The following PLCB4 variants were observed in gnomAD, a reference collection of about 807,000 sequenced individuals.
PLCB4 encodes phospholipase C beta 4, also known as 1-phosphatidylinositol 4,5-bisphosphate phosphodiesterase beta-4.
A neutral mutation model predicts 178.8 loss-of-function variants in PLCB4; 77 were observed. The observed-to-expected ratio is 0.43, with a 90% CI of 0.36 to 0.52. PLCB4 has a LOEUF of 0.52. Among genes scored for constraint, PLCB4 ranks in the 20% least tolerant of loss-of-function variants. The pLI is 0.00. For missense variants in PLCB4, 1,024 were observed against 1,453.4 expected, an observed-to-expected ratio of 0.70 and a Z score of 4.80; for synonymous variants, 496 against 490.8, an observed-to-expected ratio of 1.01 and a Z score of -0.14.
chr20:9,121,649 G>A (rs2091965455), intron 2 of PLCB4, among the ~76,000 whole-genome samples: 1 of 152,162 alleles, frequency 6.6e-6, no homozygotes, highest in Admixed American at 6.5e-5. Flanking sequence ...TCCTGTGAAA[G>A]GGAAAGACAA....
At chr20:9,213,662 T>A (rs2093698200) in intron 2 of PLCB4, among the ~76,000 whole-genome samples, 1 of 152,226 alleles carries the variant, frequency 6.6e-6, no homozygotes, top group South Asian at 2.1e-4. Context: ...TTTTCATTTT[T>A]TCTTGGGTTC....
chr20:9,350,114 A>G (rs2034194300), intron 7 of PLCB4, among the ~76,000 whole-genome samples: 1 of 152,114 alleles, frequency 6.6e-6, no homozygotes, highest in African/African-American at 2.4e-5. Context: ...TGAACTAAGA[A>G]TGGCTTTTAC....
At chr20:9,112,078 C>G (rs1025381247) in intron 2 of PLCB4, among the ~76,000 whole-genome samples, 1 of 152,054 alleles carries the variant, frequency 6.6e-6, no homozygotes, top group African/African-American at 2.4e-5. Context: ...TTTACCTGTG[C>G]TTTACTTTCA....
At chr20:9,153,016 C>T (rs911997282) in intron 2 of PLCB4, among the ~76,000 whole-genome samples, 1 of 152,154 alleles carries the variant, frequency 6.6e-6, no homozygotes, top group African/African-American at 2.4e-5. Context: ...TTGTATCGGC[C>T]CTGTAACCCC....
At chr20:9,336,249 ATGTTCATT>A (rs1009332123) in intron 4 of PLCB4, among the ~76,000 whole-genome samples, 17 of 152,268 alleles carry the variant, frequency 1.1e-4, no homozygotes, top group Non-Finnish European at 2.1e-4. Flanking sequence ...CAGGACATCT[ATGTTCATT>A]TCCCAAATGC....
At chr20:9,296,610 A>C (rs1437091011) in intron 3 of PLCB4, among the ~76,000 whole-genome samples, 1 of 152,264 alleles carries the variant, frequency 6.6e-6, no homozygotes, top group South Asian at 2.1e-4. Context: ...AACCAACCCA[A>C]ATGTCCAACA....
chr20:9,444,579 A>G (rs1568850736), intron 32 of PLCB4, among the ~76,000 whole-genome samples: 1 of 152,166 alleles, frequency 6.6e-6, no homozygotes, highest in Non-Finnish European at 1.5e-5. Context: ...CCTGACCAAC[A>G]TGGTAAAACC....
chr20:9,081,850 A>G (rs1340167508), intron 1 of PLCB4, among the ~76,000 whole-genome samples: 1 of 150,714 alleles, frequency 6.6e-6, no homozygotes, highest in Non-Finnish European at 1.5e-5. Flanking sequence ...ATGATTATTT[A>G]CACTGGTCAT....
chr20:9,473,937 G>T (rs757120592), intron 38 of PLCB4, among the ~76,000 whole-genome samples: 4 of 152,138 alleles, frequency 2.6e-5, no homozygotes, highest in Non-Finnish European at 4.4e-5. Context: ...AGTTATCCAG[G>T]CCGGGCGCAG....
intron 32 of PLCB4, among the ~76,000 whole-genome samples, chr20:9,444,593 C>G (rs988237926): frequency 7.2e-5 from 11 of 152,070 alleles, no homozygotes; most frequent in Non-Finnish European, 1.3e-4. Flanking sequence ...TAAAACCTGT[C>G]TCTACTAAAA....
intron 18 of PLCB4, 61 bp from the exon 19 acceptor site, chr20:9,395,462 G>T (rs2038499530): frequency 9.0e-7 from 1 of 1,115,012 alleles, no homozygotes. Context: ...CGATCTCAAG[G>T]CCTAGGGTTT....
chr20:9,293,704 C>G (rs770507882), intron 3 of PLCB4, among the ~76,000 whole-genome samples: 6 of 152,102 alleles, frequency 3.9e-5, no homozygotes, highest in Non-Finnish European at 7.4e-5. Context: ...CCCCAGCCTT[C>G]ACAGAGGTCA....
intron 2 of PLCB4, among the ~76,000 whole-genome samples, chr20:9,139,969 C>G (rs752156640): frequency 6.6e-6 from 1 of 152,112 alleles, no homozygotes; most frequent in Non-Finnish European, 1.5e-5. Flanking sequence ...AGAGAATGCT[C>G]TGTGCCTGGC....
chr20:9,102,271 T>C (rs373048004), intron 2 of PLCB4, among the ~76,000 whole-genome samples: 1 of 152,332 alleles, frequency 6.6e-6, no homozygotes, highest in South Asian at 2.1e-4. Flanking sequence ...ATGGTCTTAT[T>C]AGAAAACATT....
intron 2 of PLCB4, among the ~76,000 whole-genome samples, chr20:9,186,844 T>C (rs1444564134): frequency 4.6e-5 from 7 of 152,178 alleles, no homozygotes; most frequent in African/African-American, 1.7e-4. Context: ...AAACCCCCAA[T>C]GAAACCATCA....
chr20:9,262,125 G>A (rs2094303678), intron 3 of PLCB4, among the ~76,000 whole-genome samples: 2 of 152,166 alleles, frequency 1.3e-5, no homozygotes, highest in African/African-American at 2.4e-5. Context: ...TTGAATGAAT[G>A]GGATAGGCTG....
intron 35 of PLCB4, among the ~76,000 whole-genome samples, chr20:9,467,647 C>A (rs549746363): frequency 2.0e-5 from 3 of 152,282 alleles, no homozygotes; most frequent in South Asian, 2.1e-4. Flanking sequence ...AATTTCCTAA[C>A]AAGTTATGGT....
intron 2 of PLCB4, among the ~76,000 whole-genome samples, chr20:9,118,150 C>T (rs927525008): frequency 1.3e-4 from 20 of 151,316 alleles, no homozygotes; most frequent in East Asian, 1.2e-3. Flanking sequence ...ATACATGTGC[C>T]GTGCTGGTGC....
intron 2 of PLCB4, among the ~76,000 whole-genome samples, chr20:9,125,530 A>T (rs2092090363): frequency 6.6e-6 from 1 of 152,174 alleles, no homozygotes; most frequent in African/African-American, 2.4e-5. Flanking sequence ...ACTCGTAATG[A>T]GGGATATTCC....
Sources: allele counts gnomAD v4.1 joint callset (sites outside exome capture counted in the v4.1 genomes callset), GRCh38; gene constraint gnomAD v4.1.1; transcripts MANE v1.5; gene names NCBI Gene and HGNC (gene_info 2026-07-23, HGNC 2026-07-21).